Variants in DNAJC21 observed in about 807,000 individuals in gnomAD.
DNAJC21 encodes the protein DnaJ heat shock protein family (Hsp40) member C21, also known as dnaJ homolog subfamily C member 21.
DNAJC21 carries 63 observed loss-of-function variants against 72.4 expected under a neutral mutation model. That is an observed-to-expected ratio of 0.87 (90% CI 0.71 to 1.07). The LOEUF (loss-of-function observed/expected upper bound fraction) is 1.07, where lower values mean the gene tolerates loss of function less well. Ranked by LOEUF, DNAJC21 falls within the 50% of genes least tolerant of loss-of-function variation. The pLI is 0.00. For missense variants in DNAJC21, 634 were observed against 644.8 expected, an observed-to-expected ratio of 0.98 and a Z score of 0.18; for synonymous variants, 203 against 216.7, an observed-to-expected ratio of 0.94 and a Z score of 0.56.
rs2112117391 is a variant in DNAJC21 at position 34,957,736 on chromosome 5, T to G, written c.*3022T>G. ...AAAATTCCTATAGCAAGACATAGTT[T>G]CATTTTAGAGGACCCCCAAAATCCC... On this transcript the variant is annotated 3_prime_UTR_variant, in exon 12 of 12. Transcript: ENST00000648817. 1 of 152,366 alleles carries G rather than the reference T, an allele frequency of 6.6e-6. No individual in the cohort carries two copies. Among genetic ancestry groups the G allele is most frequent in the South Asian group, 2.1e-4 (1 of 4,826 alleles). The allele number at this position is 152,366 out of a possible 1,614,324, so 9.4% of individuals were successfully genotyped here.
chr5:34,950,269 G>A lies in DNAJC21; in HGVS notation c.1285G>A (p.Asp429Asn). The change falls in exon 10 of 12, where the codon GAT becomes AAT. Residue 429 changes from aspartate (D) to asparagine (N), a missense_variant. Transcript: ENST00000648817. ...LNQDSAKELEDSPQENVSVTE... is the reference protein window; with the variant it reads ...LNQDSAKELENSPQENVSVTE... The stretch of plus-strand genomic sequence containing the variant: ...TCAAGACAGTGCCAAAGAATTGGAA[G>A]ATAGTCCCCAGGAAAATGTCAGTGT... 1.9e-6 allele frequency: 3 copies of A among 1,613,928 alleles called. No homozygotes were observed. The highest frequency in any genetic ancestry group is 2.5e-6 in the Non-Finnish European group (3 of 1,179,936).
At chr5:34,953,075 G>A (rs1019220873) in intron 10 of DNAJC21, among the ~76,000 whole-genome samples, 2 of 151,922 alleles carry the variant, frequency 1.3e-5, no homozygotes, top group South Asian at 2.1e-4. Flanking sequence ...GCTTGAACCC[G>A]GGAGGCAGAG....
At chr5:34,939,261 ATT>A (rs761706255) in intron 6 of DNAJC21, among the ~76,000 whole-genome samples, 10 of 144,464 alleles carry the variant, frequency 6.9e-5, no homozygotes, top group African/African-American at 1.3e-4. Context: ...AAGTGTGACT[ATT>A]TTTTTTTTTT....
intron 2 of DNAJC21, 110 bp downstream of exon 2, chr5:34,934,018 T>A: frequency 1.2e-6 from 1 of 819,066 alleles, no homozygotes; most frequent in East Asian, 2.8e-5. Context: ...TGGTGTGTTC[T>A]GAAACATCTG....
At chr5:34,933,084 A>AT (rs1764654442) in intron 1 of DNAJC21, among the ~76,000 whole-genome samples, 2 of 152,212 alleles carry the variant, frequency 1.3e-5, no homozygotes, top group Non-Finnish European at 2.9e-5. Context: ...ATTAGTGTAT[A>AT]TTTTTTAAAC....
rs77480286 is a variant in DNAJC21, at chr5:34,937,544, G to T, written c.657G>T (p.Ala219=). The change falls in exon 5 of 12, where the codon GCG becomes GCT. Residue 219 remains alanine, a synonymous_variant. Transcript: ENST00000648817. ...FIRKRDKRVQ[A]HRKLVEEQNA... Reference sequence around the variant, plus strand: ...GTAAAAGAGATAAAAGAGTGCAGGCGCATCGAAAACTTGTGGAAGAACAGA... The same window carrying T: ...GTAAAAGAGATAAAAGAGTGCAGGCTCATCGAAAACTTGTGGAAGAACAGA... 2 of 1,613,998 alleles carry T rather than the reference G, an allele frequency of 1.2e-6. No homozygotes were observed. Among genetic ancestry groups the T allele is most frequent in the Non-Finnish European group, 1.7e-6 (2 of 1,179,908 alleles).
At chr5:34,950,682 G>A (rs369311229) in intron 10 of DNAJC21, 127 of 999,200 alleles carry the variant, frequency 1.3e-4, no homozygotes, top group African/African-American at 2.4e-4. Context: ...CTCCTGCTGC[G>A]TCCCTGGAGT....
chr5:34,948,985 T>C (rs181200392), intron 9 of DNAJC21, among the ~76,000 whole-genome samples: 3 of 152,264 alleles, frequency 2.0e-5, no homozygotes, highest in Admixed American at 2.0e-4. Flanking sequence ...CATCCACCAG[T>C]ATATAAATGT....
At chr5:34,941,805 G>A (rs1250417658) in intron 7 of DNAJC21, among the ~76,000 whole-genome samples, 19 of 151,816 alleles carry the variant, frequency 1.3e-4, no homozygotes, top group African/African-American at 3.6e-4. Flanking sequence ...GGCCTCAGGC[G>A]ATCCACCCAC....
intron 1 of DNAJC21, 104 bp downstream of exon 1, chr5:34,930,020 T>A: frequency 1.1e-6 from 1 of 912,574 alleles, no homozygotes; most frequent in South Asian, 2.3e-5. Flanking sequence ...GAGAGGGACC[T>A]GGCGGCCTAG....
intron 10 of DNAJC21, 149 bp downstream of exon 10, chr5:34,950,491 A>C (rs945397513): frequency 7.4e-7 from 1 of 1,358,070 alleles, no homozygotes; most frequent in African/African-American, 1.5e-5. Flanking sequence ...ACACACACAC[A>C]TATGTATACA....
At chr5:34,950,655 C>T (rs1765332996) in intron 10 of DNAJC21, 2 of 1,021,166 alleles carry the variant, frequency 2.0e-6, no homozygotes, top group East Asian at 9.1e-5. Flanking sequence ...ACACTTGACA[C>T]TCACATGAGA....
In DNAJC21 at chr5:34,954,517, C is replaced by T. The variant is rs568582658; in HGVS notation, c.1435-36C>T. 40 of 1,566,916 alleles carry T rather than the reference C, an allele frequency of 2.6e-5. No individual in the cohort carries two copies. The South Asian group carries it at 3.6e-4, about 14-fold the overall frequency. On this transcript the variant is annotated intron_variant, in intron 11 of 11. Coordinates refer to ENST00000648817, the MANE Select transcript of DNAJC21 (RefSeq NM_001012339.3). ...CTAAAACACTACTTTCAAGTGATAA[C>T]GCTTACTTTTATTTATGATTTTTTG...
chr5:34,945,933 T>A, intron 9 of DNAJC21, 130 bp downstream of exon 9: 1 of 636,000 alleles, frequency 1.6e-6, no homozygotes, highest in Non-Finnish European at 2.5e-6. Context: ...TAAGATTGAT[T>A]AAAAAGGAAT....
intron 7 of DNAJC21, among the ~76,000 whole-genome samples, chr5:34,943,383 A>C (rs1299545024): frequency 6.6e-6 from 1 of 152,180 alleles, no homozygotes; most frequent in Non-Finnish European, 1.5e-5. Flanking sequence ...ATGCAGCCCC[A>C]GGAGGGACGC....
Position 34,929,781 on chromosome 5 carries a change from G to C in DNAJC21, c.-39G>C, listed in dbSNP as rs745936837. On this transcript the variant is annotated 5_prime_UTR_variant, in exon 1 of 12. Coordinates refer to ENST00000648817, the MANE Select transcript of DNAJC21 (RefSeq NM_001012339.3). ...CGGCCCGGGCCCGGGCCCCGACCCCGTCCCGGGCCCCAGCGCCGGCCGCCC... is the reference window on the plus strand; with the variant it reads ...CGGCCCGGGCCCGGGCCCCGACCCCCTCCCGGGCCCCAGCGCCGGCCGCCC... 2 of 1,207,126 alleles carry C rather than the reference G, an allele frequency of 1.7e-6. No homozygotes were observed. Among genetic ancestry groups the C allele is most frequent in the East Asian group, 1.0e-4 (2 of 19,792 alleles). 74.8% of individuals were successfully genotyped at this position (1,207,126 alleles called of 1,614,324 possible). A position where few individuals can be genotyped will look rare whatever the true frequency, so the allele number is the denominator to read the frequency against.
In DNAJC21 at chr5:34,937,554, C is replaced by A. The variant is rs1400425329; in HGVS notation, c.667C>A (p.Leu223Ile). The A allele has an allele frequency of 6.2e-7, 1 of 1,613,984 alleles. No homozygotes were observed. Among genetic ancestry groups the A allele is most frequent in the Non-Finnish European group, 8.5e-7 (1 of 1,179,886 alleles). The change falls in exon 5 of 12, where the codon CTT becomes ATT. Residue 223 changes from leucine (L) to isoleucine (I), a missense_variant. Physicochemically the swap from Leu to Ile is conservative, Grantham distance 5. Coordinates refer to ENST00000648817, the MANE Select transcript of DNAJC21 (RefSeq NM_001012339.3). ...RDKRVQAHRK[L>I]VEEQNAEKAR... ...TAAAAGAGTGCAGGCGCATCGAAAACTTGTGGAAGAACAGAATGCAGAGAA... is the reference window on the plus strand; with the variant it reads ...TAAAAGAGTGCAGGCGCATCGAAAAATTGTGGAAGAACAGAATGCAGAGAA...
rs149713972 is a variant in DNAJC21 at position 34,958,379 on chromosome 5, A to G, written c.*3665A>G. 1.4e-3 allele frequency: 213 copies of G among 152,330 alleles called. No homozygotes were observed. Among genetic ancestry groups the G allele is most frequent in the African/African-American group, 4.9e-3 (205 of 41,576 alleles). 9.4% of individuals were successfully genotyped at this position (152,330 alleles called of 1,614,324 possible). ...ATTTTTGACAGATACGGCAAGCTCT[A>G]TGGGGAAAACAATATGTACTACCTT... On this transcript the variant is annotated 3_prime_UTR_variant, in exon 12 of 12. Transcript: ENST00000648817.
chr5:34,933,041 G>A (rs1764653200), intron 1 of DNAJC21, among the ~76,000 whole-genome samples: 1 of 152,154 alleles, frequency 6.6e-6, no homozygotes, highest in South Asian at 2.1e-4. Context: ...GAATTCCATG[G>A]TTCAGGAAGC....
Sources: allele counts gnomAD v4.1 joint callset (sites outside exome capture counted in the v4.1 genomes callset), GRCh38; gene constraint gnomAD v4.1.1; transcripts MANE v1.5; gene names NCBI Gene and HGNC (gene_info 2026-07-23, HGNC 2026-07-21).